The following FAM227B variants were observed in gnomAD, a reference collection of about 807,000 sequenced individuals.
FAM227B encodes the protein family with sequence similarity 227 member B, also known as protein FAM227B.
A neutral mutation model predicts 73.8 loss-of-function variants in FAM227B; 88 were observed. The ratio of observed to expected loss-of-function variants is 1.19; its 90% CI spans 1.00 to 1.42. FAM227B has a LOEUF of 1.42. Ranked by LOEUF, FAM227B falls within the 40% of genes most tolerant of loss-of-function variation. FAM227B has a pLI of 0.00. For synonymous variants in FAM227B, 210 were observed against 190.5 expected (o/e 1.10, Z -0.84); for missense variants, 632 against 590.9 (o/e 1.07, Z -0.72).
chr15:49,527,579 T>C (rs765179185), intron 10 of FAM227B, among the ~76,000 whole-genome samples: 10 of 151,924 alleles, frequency 6.6e-5, no homozygotes, highest in Non-Finnish European at 1.0e-4. Flanking sequence ...TTGTTTGCTA[T>C]GACATGATCT....
chr15:49,372,639 G>T (rs1334954312), intron 11 of FAM227B, among the ~76,000 whole-genome samples: 1 of 152,192 alleles, frequency 6.6e-6, no homozygotes, highest in Admixed American at 6.5e-5. Flanking sequence ...TAAAGGAAAA[G>T]AGAGCCATGT....
intron 11 of FAM227B, among the ~76,000 whole-genome samples, chr15:49,426,556 ATT>A (rs765086436): frequency 1.3e-5 from 2 of 151,892 alleles, no homozygotes; most frequent in African/African-American, 2.4e-5. Context: ...TGTAAATTTT[ATT>A]TTGTTTGTGT....
intron 10 of FAM227B, among the ~76,000 whole-genome samples, chr15:49,524,862 G>A (rs578052752): frequency 1.3e-5 from 2 of 152,284 alleles, no homozygotes; most frequent in African/African-American, 4.8e-5. Flanking sequence ...CTTGCATGGG[G>A]TCCGTGGCCC....
intron 13 of FAM227B, among the ~76,000 whole-genome samples, chr15:49,356,485 G>C (rs1436982942): frequency 9.9e-4 from 148 of 148,800 alleles, no homozygotes; most frequent in African/African-American, 3.5e-3. Context: ...AAGAGACAAA[G>C]AAGGCCATTA....
chr15:49,413,392 C>T (rs1346021545), intron 11 of FAM227B, among the ~76,000 whole-genome samples: 3 of 152,062 alleles, frequency 2.0e-5, no homozygotes, highest in African/African-American at 7.2e-5. Flanking sequence ...GTGAGGCCTC[C>T]CCAACCATGT....
intron 11 of FAM227B, among the ~76,000 whole-genome samples, chr15:49,379,637 CTAATTT>C (rs1484760073): frequency 1.3e-5 from 2 of 152,058 alleles, no homozygotes; most frequent in Non-Finnish European, 2.9e-5. Context: ...TTTTTCATTT[CTAATTT>C]TATTTATTTG....
At chr15:49,499,399 AAAG>A (rs1214565800) in intron 11 of FAM227B, among the ~76,000 whole-genome samples, 1 of 152,130 alleles carries the variant, frequency 6.6e-6, no homozygotes, top group Non-Finnish European at 1.5e-5. Flanking sequence ...GAGAAAAATT[AAAG>A]AAGTATTATA....
rs1278751184 is a variant in FAM227B, at chr15:49,588,099, A to G, written c.338-16T>C. 3 of 1,369,512 alleles carry G rather than the reference A, an allele frequency of 2.2e-6. No homozygotes were observed. The highest frequency in any genetic ancestry group is 5.1e-5 in the East Asian group (2 of 38,856). 84.8% of individuals were successfully genotyped at this position (1,369,512 alleles called of 1,614,324 possible). On this transcript the variant is annotated splice_polypyrimidine_tract_variant and intron_variant, in intron 4 of 15. Coordinates refer to ENST00000299338, the MANE Select transcript of FAM227B (RefSeq NM_152647.3). ...CTATAAGAACCTTTAAGAAAATAAG[A>G]ATTCACAGTATATATATTATACATA... is the stretch of plus-strand genomic sequence containing the variant.
chr15:49,511,351 G>A (rs1380765523), intron 10 of FAM227B, among the ~76,000 whole-genome samples: 1 of 152,082 alleles, frequency 6.6e-6, no homozygotes, highest in Non-Finnish European at 1.5e-5. Context: ...TTGAGACATA[G>A]TATTTATTCT....
chr15:49,426,739 C>T (rs74922757), intron 11 of FAM227B, among the ~76,000 whole-genome samples: 3,754 of 151,830 alleles, frequency 0.025, 92 homozygotes, highest in South Asian at 0.13. Flanking sequence ...AAAAGGAAGT[C>T]GCCCTATATT....
At chr15:49,533,073 A>G (rs767200238) in intron 10 of FAM227B, among the ~76,000 whole-genome samples, 23 of 151,850 alleles carry the variant, frequency 1.5e-4, no homozygotes, top group Non-Finnish European at 2.8e-4. Flanking sequence ...GTTGTATCCC[A>G]TAAGTTTTGA....
At chr15:49,523,725 G>A (rs2059948848) in intron 10 of FAM227B, among the ~76,000 whole-genome samples, 2 of 152,296 alleles carry the variant, frequency 1.3e-5, no homozygotes, top group South Asian at 4.1e-4. Context: ...TTGTTGAATG[G>A]CTTTCACTAT....
intron 14 of FAM227B, among the ~76,000 whole-genome samples, chr15:49,332,925 T>A (rs963282320): frequency 6.6e-6 from 1 of 152,100 alleles, no homozygotes; most frequent in Non-Finnish European, 1.5e-5. Flanking sequence ...CTCTCTCTGC[T>A]TGTTTTGTCT....
intron 10 of FAM227B, among the ~76,000 whole-genome samples, chr15:49,530,263 C>G (rs770952520): frequency 2.7e-5 from 4 of 148,704 alleles, no homozygotes; most frequent in Non-Finnish European, 4.5e-5. Flanking sequence ...GTGGTAAATT[C>G]AGTTTGGAAT....
chr15:49,479,523 A>C (rs1413971309), intron 11 of FAM227B, among the ~76,000 whole-genome samples: 1 of 150,850 alleles, frequency 6.6e-6, no homozygotes, highest in East Asian at 1.9e-4. Context: ...TGCATATTAC[A>C]TATTTTTCTA....
At chr15:49,353,308 A>T (rs191510255) in intron 13 of FAM227B, among the ~76,000 whole-genome samples, 5 of 152,206 alleles carry the variant, frequency 3.3e-5, no homozygotes, top group Admixed American at 2.6e-4. Context: ...CAAGGGTTTT[A>T]TGTTTCCTCT....
intron 11 of FAM227B, among the ~76,000 whole-genome samples, chr15:49,450,929 C>T (rs2052661965): frequency 6.6e-6 from 1 of 152,092 alleles, no homozygotes; most frequent in Non-Finnish European, 1.5e-5. Flanking sequence ...GTTAGTATAG[C>T]TACAGCTAAT....
In FAM227B at chr15:49,527,669, A is replaced by T. The variant is rs542895986; in HGVS notation, c.874+14011T>A. ...ATTTCAGTAAAGTTTCAGGAAATAA[A>T]ACAGTGTACAGAAATCAGTAGCATT... On this transcript the variant is annotated intron_variant, in intron 10 of 15. Transcript: ENST00000299338. 5.1e-4 allele frequency among the ~76,000 whole-genome samples: 77 copies of T among 152,072 alleles called. 3 individuals are homozygous for T. In the South Asian group the frequency reaches 0.012, roughly 23 times the overall value.
At chr15:49,593,101 C>T (rs557630861) in intron 3 of FAM227B, among the ~76,000 whole-genome samples, 19 of 152,272 alleles carry the variant, frequency 1.2e-4, no homozygotes, top group Non-Finnish European at 2.5e-4. Context: ...CACGGCTTCC[C>T]TTGACTAGGA....
Sources: gnomAD v4.1 joint callset for allele counts (sites outside exome capture counted in the v4.1 genomes callset) on GRCh38, gnomAD v4.1.1 for gene constraint, MANE v1.5 for transcripts, NCBI Gene and HGNC (gene_info 2026-07-23, HGNC 2026-07-21) for gene names.